The following TAF2 variants were observed in gnomAD, a reference collection of about 807,000 sequenced individuals.
The protein encoded by TAF2 is TATA-box binding protein associated factor 2, also known as transcription initiation factor TFIID subunit 2.
TAF2 carries 61 observed loss-of-function variants against 138.5 expected under a neutral mutation model. The ratio of observed to expected loss-of-function variants is 0.44; its 90% CI spans 0.36 to 0.54. TAF2 has a LOEUF of 0.54. Among genes scored for constraint, TAF2 ranks in the 20% least tolerant of loss-of-function variants. The probability of loss-of-function intolerance (pLI) is 0.00; values close to 1 mark genes in which losing one functional copy is unlikely to be tolerated. For missense variants in TAF2, 1,090 were observed against 1,427.9 expected (o/e 0.76, Z 3.81); for synonymous variants, 475 against 469.9 (o/e 1.01, Z -0.14).
intron 3 of TAF2, among the ~76,000 whole-genome samples, chr8:119,810,820 A>C (rs1213312689): frequency 2.0e-5 from 3 of 152,216 alleles, no homozygotes. Context: ...AGCCAGATTT[A>C]AACATTACAT....
At chr8:119,753,652 A>T (rs1466350852) in intron 22 of TAF2, among the ~76,000 whole-genome samples, 1 of 152,222 alleles carries the variant, frequency 6.6e-6, no homozygotes, top group East Asian at 1.9e-4. Context: ...AATACTAAAC[A>T]TCAGTCACAG....
At position 119,760,651 on chromosome 8, in the gene TAF2, GT is replaced by G; in HGVS notation, c.2645del (p.His882ProfsTer7). On this transcript the variant is annotated frameshift_variant, in exon 20 of 26. Transcript: ENST00000378164. LOFTEE classifies it high-confidence loss of function. ...ALFKSYAEYG[H>X]FVDIRIAALE... ...AAGCTGCTATCCTAATGTCCACAAA[GT>G]GGCCATATTCAGCATAAGATTTAAA... 1 of 1,613,880 alleles carries G rather than the reference GT, an allele frequency of 6.2e-7. No homozygotes were observed. The highest frequency in any genetic ancestry group is 1.1e-5 in the South Asian group (1 of 91,078).
chr8:119,822,587 G>T (rs1298880968), intron 2 of TAF2, among the ~76,000 whole-genome samples: 8 of 152,124 alleles, frequency 5.3e-5, no homozygotes, highest in Non-Finnish European at 7.4e-5. Flanking sequence ...AGATATGTCT[G>T]ATCCATCCAA....
chr8:119,829,959 G>A (rs992824197), intron 2 of TAF2, among the ~76,000 whole-genome samples: 1 of 150,454 alleles, frequency 6.6e-6, no homozygotes, highest in East Asian at 2.0e-4. Flanking sequence ...CCCAGGTTCG[G>A]CGCGATCTCG....
intron 22 of TAF2, among the ~76,000 whole-genome samples, chr8:119,752,717 T>C (rs780705153): frequency 1.3e-5 from 2 of 152,236 alleles, no homozygotes; most frequent in African/African-American, 2.4e-5. Context: ...AAACAAACTC[T>C]AATTCTTCAA....
intron 22 of TAF2, among the ~76,000 whole-genome samples, chr8:119,753,695 C>T (rs368681698): frequency 6.6e-6 from 1 of 152,150 alleles, no homozygotes; most frequent in Admixed American, 6.5e-5. Flanking sequence ...TTCCAATGAG[C>T]TTCAAATGTT....
intron 5 of TAF2, among the ~76,000 whole-genome samples, chr8:119,802,467 T>C (rs1192444048): frequency 6.6e-6 from 1 of 152,228 alleles, no homozygotes; most frequent in African/African-American, 2.4e-5. Context: ...ACGTATTGTA[T>C]AAATTCAAAC....
At chr8:119,795,239 T>C (rs1332300524) in intron 9 of TAF2, among the ~76,000 whole-genome samples, 2 of 152,076 alleles carry the variant, frequency 1.3e-5, no homozygotes, top group African/African-American at 4.8e-5. Context: ...GCTAACAAAT[T>C]TAGGAAGCAC....
At chr8:119,771,617 T>C (rs892578445) in intron 18 of TAF2, among the ~76,000 whole-genome samples, 2 of 152,160 alleles carry the variant, frequency 1.3e-5, no homozygotes, top group African/African-American at 4.8e-5. Context: ...TGAAAGGCAT[T>C]ATATACTGAC....
chr8:119,827,679 G>A (rs1826187697), intron 2 of TAF2, among the ~76,000 whole-genome samples: 1 of 151,998 alleles, frequency 6.6e-6, no homozygotes, highest in Non-Finnish European at 1.5e-5. Context: ...GGGAACCAAG[G>A]GGTGAAAGTT....
intron 16 of TAF2, among the ~76,000 whole-genome samples, chr8:119,782,669 T>C (rs1822748636): frequency 6.6e-6 from 1 of 152,230 alleles, no homozygotes; most frequent in African/African-American, 2.4e-5. Flanking sequence ...GTCTGCATTT[T>C]TCTGATTTTC....
At chr8:119,739,039 A>C (rs561568267) in intron 25 of TAF2, among the ~76,000 whole-genome samples, 2 of 151,102 alleles carry the variant, frequency 1.3e-5, no homozygotes, top group African/African-American at 4.9e-5. Context: ...TAAATTAAAA[A>C]ATTTACCAGA....
At chr8:119,735,950 G>C (rs1819197417) in intron 25 of TAF2, among the ~76,000 whole-genome samples, 1 of 152,156 alleles carries the variant, frequency 6.6e-6, no homozygotes, top group African/African-American at 2.4e-5. Context: ...TATATCAACA[G>C]ACTTTGCAGC....
In TAF2 at chr8:119,791,309, A is replaced by G; in HGVS notation, c.1413+15T>C. On this transcript the variant is annotated intron_variant, in intron 11 of 25. Coordinates refer to ENST00000378164, the MANE Select transcript of TAF2 (RefSeq NM_003184.4). ...CTTTATTTACCATTGTTAAGTTCTT[A>G]ACTTTAATACTTACTTGTAGCATAA... 6.2e-7 allele frequency: 1 copy of G among 1,612,386 alleles called. No homozygotes were observed. The highest frequency in any genetic ancestry group is 8.5e-7 in the Non-Finnish European group (1 of 1,179,036).
At chr8:119,784,338 T>G (rs1334064953) in intron 15 of TAF2, among the ~76,000 whole-genome samples, 1 of 152,134 alleles carries the variant, frequency 6.6e-6, no homozygotes, top group Non-Finnish European at 1.5e-5. Context: ...GTGGATCACT[T>G]GAGGTCAGGG....
At position 119,785,247 on chromosome 8, in the gene TAF2, G is replaced by A; in HGVS notation, c.1813C>T (p.Pro605Ser). 1.2e-6 allele frequency: 2 copies of A among 1,612,460 alleles called. No individual in the cohort carries two copies. Among genetic ancestry groups the A allele is most frequent in the Admixed American group, 1.7e-5 (1 of 59,952 alleles). The change falls in exon 15 of 26, where the codon CCA becomes TCA. Residue 605 changes from proline to serine, a missense_variant. Pro to Ser is a moderately conservative substitution (Grantham distance 74, BLOSUM62 -1). Around this residue, in one of 3 missense-constraint regions of TAF2, gnomAD observed 580 missense variants for 719.6 expected, o/e 0.81. Transcript: ENST00000378164. ...KSRRNKKKKI[P>S]LMNGEEVDMD... ...TCAACTTCTTCTCCATTCATCAGTGGGATTTTTTTCTTTTTATTCCTACAT... is the reference window on the plus strand; with the variant it reads ...TCAACTTCTTCTCCATTCATCAGTGAGATTTTTTTCTTTTTATTCCTACAT...
intron 22 of TAF2, among the ~76,000 whole-genome samples, chr8:119,749,105 A>G (rs994012746): frequency 6.6e-6 from 1 of 152,204 alleles, no homozygotes; most frequent in Non-Finnish European, 1.5e-5. Flanking sequence ...TTTAAAAAAT[A>G]TATGTTAATT....
intron 2 of TAF2, 32 bp from the exon 3 acceptor site, chr8:119,819,538 A>G (rs1265898003): frequency 2.0e-6 from 3 of 1,530,462 alleles, no homozygotes; most frequent in South Asian, 1.1e-5. Flanking sequence ...ACTTCATTAT[A>G]AAGACTGGTA....
intron 22 of TAF2, among the ~76,000 whole-genome samples, 185 bp downstream of exon 22, chr8:119,755,821 A>T (rs900809731): frequency 1.3e-5 from 2 of 152,246 alleles, no homozygotes; most frequent in African/African-American, 4.8e-5. Context: ...ACTATGGAGT[A>T]AAGTGAGTAT....
Sources: gnomAD v4.1 joint callset for allele counts (sites outside exome capture counted in the v4.1 genomes callset) on GRCh38, gnomAD v4.1.1 for gene constraint, gnomAD v4.1.1 regional missense constraint, MANE v1.5 for transcripts, NCBI Gene and HGNC (gene_info 2026-07-23, HGNC 2026-07-21) for gene names.